The following MARCHF1 variants were observed in gnomAD, a reference collection of about 807,000 sequenced individuals.
The protein encoded by MARCHF1 is E3 ubiquitin-protein ligase MARCHF1.
MARCHF1 carries 40 observed loss-of-function variants against 54.2 expected under a neutral mutation model. The observed-to-expected ratio is 0.74, with a 90% confidence interval of 0.57 to 0.96. The LOEUF (loss-of-function observed/expected upper bound fraction) is 0.96. Among genes scored for constraint, MARCHF1 ranks in the 40% least tolerant of loss-of-function variants. MARCHF1 has a pLI of 0.00. For synonymous variants in MARCHF1, 236 were observed against 236.3 expected (o/e 1.00, Z 0.01); for missense variants, 586 against 656.5 (o/e 0.89, Z 1.17).
intron 3 of MARCHF1, among the ~76,000 whole-genome samples, chr4:163,921,978 A>T (rs1200565204): frequency 6.6e-6 from 1 of 152,196 alleles, no homozygotes; most frequent in Non-Finnish European, 1.5e-5. Context: ...CCAAATGTCC[A>T]ACAATGATAG....
chr4:163,784,545 A>C (rs1449262190), intron 4 of MARCHF1, among the ~76,000 whole-genome samples: 1 of 152,160 alleles, frequency 6.6e-6, no homozygotes, highest in Non-Finnish European at 1.5e-5. Flanking sequence ...ATGGAGCACC[A>C]GGACAATTTA....
chr4:164,074,470 C>T (rs989551382), intron 2 of MARCHF1, among the ~76,000 whole-genome samples: 12 of 152,184 alleles, frequency 7.9e-5, no homozygotes, highest in Admixed American at 2.6e-4. Flanking sequence ...CACTCTAAGT[C>T]GGGAAATTTA....
intron 3 of MARCHF1, among the ~76,000 whole-genome samples, chr4:163,981,879 A>C (rs13131428): frequency 6.6e-6 from 1 of 151,760 alleles, no homozygotes; most frequent in African/African-American, 2.4e-5. Context: ...ATCAGTAAAA[A>C]TTCATAGTAC....
chr4:164,334,459 A>G (rs1166499876), intron 1 of MARCHF1, among the ~76,000 whole-genome samples: 3 of 152,224 alleles, frequency 2.0e-5, no homozygotes, highest in Non-Finnish European at 4.4e-5. Context: ...AGCCAGAATG[A>G]CAGCACATCT....
At chr4:164,139,008 T>C (rs903640691) in intron 1 of MARCHF1, among the ~76,000 whole-genome samples, 14 of 152,232 alleles carry the variant, frequency 9.2e-5, no homozygotes, top group South Asian at 2.1e-4. Flanking sequence ...TTCTTTGAAA[T>C]TGAATTCTGC....
intron 4 of MARCHF1, among the ~76,000 whole-genome samples, chr4:163,797,011 G>T (rs1309518565): frequency 2.0e-5 from 3 of 151,856 alleles, no homozygotes; most frequent in Non-Finnish European, 1.5e-5. Context: ...CTTCTACTTA[G>T]AATTAATTTT....
At chr4:164,314,695 A>C (rs1038856428) in intron 1 of MARCHF1, among the ~76,000 whole-genome samples, 1 of 152,166 alleles carries the variant, frequency 6.6e-6, no homozygotes, top group African/African-American at 2.4e-5. Flanking sequence ...TTTTAAATAA[A>C]TATTTGTTAG....
intron 1 of MARCHF1, among the ~76,000 whole-genome samples, chr4:164,319,261 T>G (rs1735077223): frequency 6.6e-6 from 1 of 152,166 alleles, no homozygotes; most frequent in African/African-American, 2.4e-5. Flanking sequence ...GATCATTTAA[T>G]GTATACAGGA....
intron 1 of MARCHF1, among the ~76,000 whole-genome samples, chr4:164,176,018 A>G (rs541108267): frequency 6.6e-6 from 1 of 152,308 alleles, no homozygotes; most frequent in Admixed American, 6.5e-5. Context: ...AGCAACCTAC[A>G]TTTGCTGGAA....
chr4:163,733,684 C>A, intron 4 of MARCHF1, among the ~76,000 whole-genome samples: 1 of 151,544 alleles, frequency 6.6e-6, no homozygotes, highest in African/African-American at 2.4e-5. Context: ...TCAATGATGG[C>A]CATAACTGTA....
In MARCHF1 at chr4:164,382,470, G is replaced by A. The variant is rs556955611; in HGVS notation, c.-323+1400C>T. On this transcript the variant is annotated intron_variant, in intron 1 of 9. Transcript: ENST00000514618. ...TACCAAGAATCTCCTTAATGTTCAA[G>A]GATTATTTACATTTAATATACATTA... Among the ~76,000 whole-genome samples the A allele has an allele frequency of 2.6e-5, 4 of 152,134 alleles. 1 individual carries two copies. The highest frequency in any genetic ancestry group is 7.2e-5 in the African/African-American group (3 of 41,498).
chr4:164,104,295 G>T (rs1294196753), intron 2 of MARCHF1, among the ~76,000 whole-genome samples: 4 of 112,968 alleles, frequency 3.5e-5, no homozygotes, highest in African/African-American at 1.0e-4. Context: ...TACCAAAGCC[G>T]GGCAGAGACA....
rs921408323 is a variant in MARCHF1 at position 163,804,637 on chromosome 4, C to T, written c.111+49384G>A. On this transcript the variant is annotated intron_variant, in intron 4 of 9. Coordinates refer to ENST00000514618, the MANE Select transcript of MARCHF1 (RefSeq NM_001394959.1). ...TGTGAGAAAAATAAAAGACCAAATA[C>T]GAGAAGTTTTATCTCTGAGAGACCT... Among the ~76,000 whole-genome samples the T allele has an allele frequency of 2.6e-5, 4 of 152,134 alleles. 1 individual carries two copies. The highest frequency in any genetic ancestry group is 4.1e-4 in the South Asian group (2 of 4,824).
chr4:164,258,254 G>C (rs1292725014), intron 1 of MARCHF1, among the ~76,000 whole-genome samples: 1 of 151,974 alleles, frequency 6.6e-6, no homozygotes, highest in Non-Finnish European at 1.5e-5. Context: ...TAGCAGGGTG[G>C]GGGAATAAGA....
chr4:163,679,264 A>C (rs1744017832), intron 5 of MARCHF1, among the ~76,000 whole-genome samples: 1 of 152,226 alleles, frequency 6.6e-6, no homozygotes, highest in Non-Finnish European at 1.5e-5. Context: ...ATATTCTACC[A>C]GATAGGAAGA....
At chr4:163,563,028 G>A (rs959657425) in intron 8 of MARCHF1, among the ~76,000 whole-genome samples, 1 of 152,104 alleles carries the variant, frequency 6.6e-6, no homozygotes, top group Admixed American at 6.6e-5. Context: ...CACTCACCTG[G>A]ACACTTCGTT....
intron 2 of MARCHF1, among the ~76,000 whole-genome samples, chr4:164,030,554 T>C (rs967309280): frequency 2.0e-5 from 3 of 152,184 alleles, no homozygotes; most frequent in Non-Finnish European, 4.4e-5. Context: ...TAACCATAAA[T>C]GACATATATG....
chr4:163,646,344 AGT>A (rs1277328928), intron 5 of MARCHF1, among the ~76,000 whole-genome samples: 1 of 152,128 alleles, frequency 6.6e-6, no homozygotes, highest in Non-Finnish European at 1.5e-5. Flanking sequence ...CAAAGCTGAG[AGT>A]GTTCATTACC....
At chr4:164,245,578 T>C (rs1048393422) in intron 1 of MARCHF1, among the ~76,000 whole-genome samples, 7 of 151,670 alleles carry the variant, frequency 4.6e-5, no homozygotes, top group Admixed American at 1.3e-4. Context: ...TTATTCAACA[T>C]AGTGTTGGAA....
Sources: gnomAD v4.1 joint callset for allele counts (sites outside exome capture counted in the v4.1 genomes callset) on GRCh38, gnomAD v4.1.1 for gene constraint, MANE v1.5 for transcripts, NCBI Gene and HGNC (gene_info 2026-07-23, HGNC 2026-07-21) for gene names.